FRS2: variants seen among roughly 807,000 people sequenced by gnomAD.
The protein encoded by FRS2 is fibroblast growth factor receptor substrate 2, also known as FGFR signalling adaptor.
Under a neutral mutation model 43.9 loss-of-function variants are expected in FRS2, and 8 were observed. The observed-to-expected ratio is 0.18, with a 90% CI of 0.11 to 0.33. FRS2 has a LOEUF of 0.33. Ranked by LOEUF, FRS2 falls within the 10% of genes least tolerant of loss-of-function variation. FRS2 has a pLI of 1.00. For synonymous variants in FRS2, 219 were observed against 220.3 expected, an observed-to-expected ratio of 0.99 and a Z score of 0.05; for missense variants, 534 against 627.6, an observed-to-expected ratio of 0.85 and a Z score of 1.59.
chr12:69,508,121 T>G (rs1400676160), intron 1 of FRS2, among the ~76,000 whole-genome samples: 6 of 152,048 alleles, frequency 3.9e-5, no homozygotes, highest in Admixed American at 1.3e-4. Context: ...TTTGCATATT[T>G]ATTCCTGTGT....
chr12:69,573,643 A>T (rs1168905704), intron 8 of FRS2, among the ~76,000 whole-genome samples: 1 of 152,068 alleles, frequency 6.6e-6, no homozygotes, highest in East Asian at 1.9e-4. Context: ...TTGTATTTTT[A>T]GTAGGGACGG....
intron 1 of FRS2, among the ~76,000 whole-genome samples, chr12:69,499,438 T>C (rs1403104837): frequency 1.3e-5 from 2 of 152,158 alleles, no homozygotes; most frequent in Non-Finnish European, 1.5e-5. Flanking sequence ...TGGAACTTAC[T>C]CATTTCTACC....
Position 69,533,914 on chromosome 12 carries a change from T to G in FRS2, c.-122+1858T>G, listed in dbSNP as rs550464503. On this transcript the variant is annotated intron_variant, in intron 3 of 8. Coordinates refer to ENST00000549921, the MANE Select transcript of FRS2 (RefSeq NM_001278356.2). ...TAGAGGCAGAGATTTAGATTGTTTTTGAGGAATCCAGTGCTATTCTAGGTC... is the reference window on the plus strand; with the variant it reads ...TAGAGGCAGAGATTTAGATTGTTTTGGAGGAATCCAGTGCTATTCTAGGTC... Among the ~76,000 whole-genome samples the G allele has an allele frequency of 3.9e-5, 6 of 152,292 alleles. No homozygotes were observed. The South Asian group carries it at 1.0e-3, about 26-fold the overall frequency.
At chr12:69,488,768 C>A (rs1233824737) in intron 1 of FRS2, among the ~76,000 whole-genome samples, 1 of 152,170 alleles carries the variant, frequency 6.6e-6, no homozygotes, top group African/African-American at 2.4e-5. Context: ...CCTCATAATT[C>A]AGTTCATACG....
rs370462870 is a variant in FRS2, at chr12:69,570,288, G to A, written c.67-43G>A. The A allele has an allele frequency of 2.1e-5, 30 of 1,408,418 alleles. No individual in the cohort carries two copies. The Admixed American group carries it at 2.6e-4, about 12-fold the overall frequency. The allele number at this position is 1,408,418 out of a possible 1,614,324, so 87.2% of individuals were successfully genotyped here. On this transcript the variant is annotated intron_variant, in intron 5 of 8. Coordinates refer to ENST00000549921, the MANE Select transcript of FRS2 (RefSeq NM_001278356.2). ...ATTAGCAACAATGCATTTTCCTGAC[G>A]AATTGGTGACATATTTGCATGACTG...
chr12:69,547,384 C>G (rs1420874772), intron 3 of FRS2, among the ~76,000 whole-genome samples: 4 of 152,042 alleles, frequency 2.6e-5, no homozygotes, highest in African/African-American at 9.7e-5. Context: ...TCCCTTGAGC[C>G]TAGGATGTCA....
intron 1 of FRS2, among the ~76,000 whole-genome samples, chr12:69,518,713 T>TA (rs71094718): frequency 3.2e-3 from 460 of 143,502 alleles, no homozygotes; most frequent in African/African-American, 0.011. Flanking sequence ...AACCCTGTCT[T>TA]AAAAAAAAAA....
intron 3 of FRS2, among the ~76,000 whole-genome samples, chr12:69,534,844 T>C (rs919164386): frequency 5.3e-5 from 8 of 152,206 alleles, no homozygotes; most frequent in African/African-American, 1.9e-4. Flanking sequence ...GGGGTTAAAG[T>C]TGGGGACGGT....
intron 3 of FRS2, among the ~76,000 whole-genome samples, chr12:69,549,486 G>T (rs141582735): frequency 9.1e-4 from 138 of 152,116 alleles, no homozygotes; most frequent in Middle Eastern, 3.4e-3. Context: ...TTAATTTTGC[G>T]TATTTAATTC....
chr12:69,572,742 A>C (rs535209280), intron 8 of FRS2, among the ~76,000 whole-genome samples: 1 of 152,346 alleles, frequency 6.6e-6, no homozygotes, highest in South Asian at 2.1e-4. Flanking sequence ...TTAATTAGTT[A>C]TACTTATGTT....
chr12:69,514,850 G>A (rs1197619064), intron 1 of FRS2, among the ~76,000 whole-genome samples: 1 of 151,352 alleles, frequency 6.6e-6, no homozygotes, highest in Non-Finnish European at 1.5e-5. Flanking sequence ...AAAAAGATGG[G>A]TGGAGTTCTC....
At chr12:69,493,430 A>G (rs924588695) in intron 1 of FRS2, among the ~76,000 whole-genome samples, 1 of 152,202 alleles carries the variant, frequency 6.6e-6, no homozygotes. Flanking sequence ...CTGAATTAAG[A>G]AATTTAGCTG....
chr12:69,556,018 G>GC (rs1879313747), intron 3 of FRS2, among the ~76,000 whole-genome samples: 1 of 143,584 alleles, frequency 7.0e-6, no homozygotes, highest in Non-Finnish European at 1.5e-5. Flanking sequence ...CGGGGGGGGG[G>GC]GCGGTGTACA....
chr12:69,528,510 A>G (rs1355078295), intron 1 of FRS2, among the ~76,000 whole-genome samples: 2 of 152,296 alleles, frequency 1.3e-5, no homozygotes, highest in African/African-American at 2.4e-5. Context: ...ACTCTGTTCT[A>G]GAGTTATGGT....
At chr12:69,558,600 C>G (rs986590248) in intron 3 of FRS2, among the ~76,000 whole-genome samples, 9 of 152,192 alleles carry the variant, frequency 5.9e-5, no homozygotes, top group Non-Finnish European at 1.0e-4. Context: ...CCTGCCCTAG[C>G]TAACTCCCAT....
intron 3 of FRS2, among the ~76,000 whole-genome samples, chr12:69,543,659 A>G (rs981594971): frequency 2.0e-5 from 3 of 152,224 alleles, no homozygotes; most frequent in South Asian, 2.1e-4. Flanking sequence ...AAATTCTTCA[A>G]TAAATTGATT....
At chr12:69,505,217 G>A (rs1873816868) in intron 1 of FRS2, among the ~76,000 whole-genome samples, 1 of 152,088 alleles carries the variant, frequency 6.6e-6, no homozygotes, top group South Asian at 2.1e-4. Flanking sequence ...CCTAATATTA[G>A]CAAATGAGGA....
chr12:69,508,979 A>G (rs1335915711), intron 1 of FRS2, among the ~76,000 whole-genome samples: 1 of 152,204 alleles, frequency 6.6e-6, no homozygotes, highest in African/African-American at 2.4e-5. Flanking sequence ...CACAAAATTC[A>G]CTAATTATAT....
chr12:69,570,873 A>G (rs1880695936), intron 6 of FRS2, among the ~76,000 whole-genome samples: 1 of 152,224 alleles, frequency 6.6e-6, no homozygotes, highest in African/African-American at 2.4e-5. Flanking sequence ...GGGAAATGGT[A>G]ATACCTATCT....
Sources: gnomAD v4.1 joint callset for allele counts (sites outside exome capture counted in the v4.1 genomes callset) on GRCh38, gnomAD v4.1.1 for gene constraint, MANE v1.5 for transcripts, NCBI Gene and HGNC (gene_info 2026-07-23, HGNC 2026-07-21) for gene names.